The following NDST3 variants were observed in gnomAD, a reference collection of about 807,000 sequenced individuals.
The protein encoded by NDST3 is bifunctional heparan sulfate N-deacetylase/N-sulfotransferase 3.
A neutral mutation model predicts 96.1 loss-of-function variants in NDST3; 58 were observed. That is an observed-to-expected ratio of 0.60 (90% CI 0.49 to 0.75). The LOEUF is 0.75. NDST3 is among the 30% of genes least tolerant of loss of function. The probability of loss-of-function intolerance (pLI) is 0.00; values close to 1 mark genes in which losing one functional copy is unlikely to be tolerated. For synonymous variants in NDST3, 333 were observed against 359.7 expected (o/e 0.93, Z 0.84); for missense variants, 788 against 1,034.2 (o/e 0.76, Z 3.27).
rs541264345 is a variant in NDST3 at position 118,158,253 on chromosome 4, T to C, written c.1539+14569T>C. On this transcript the variant is annotated intron_variant, in intron 6 of 13. Coordinates refer to ENST00000296499, the MANE Select transcript of NDST3 (RefSeq NM_004784.3). ...TATTTCTCCCCAAAAGTAAGTGGGC[T>C]TTTTGGAGAAAAGGCTAAATTCAAG... 3.3e-5 allele frequency among the ~76,000 whole-genome samples: 5 copies of C among 152,336 alleles called. No homozygotes were observed. In the South Asian group the frequency reaches 8.3e-4, roughly 25 times the overall value.
Position 118,054,479 on chromosome 4 carries a change from T to A in NDST3, c.569T>A (p.Val190Glu). The A allele has an allele frequency of 6.2e-7, 1 of 1,613,122 alleles. No individual in the cohort carries two copies. The change falls in exon 2 of 14, where the codon GTA becomes GAA. Residue 190 changes from valine (V) to glutamate (E), a missense_variant. Transcript: ENST00000296499. ...TTTTCCATATATGGAAATCTTGCAG[T>A]AAAAGATTGTTGTATTAATCCTCAT... is the stretch of plus-strand genomic sequence containing the variant. ...FPFSIYGNLAVKDCCINPHSP... is the reference protein window; with the variant it reads ...FPFSIYGNLAEKDCCINPHSP...
intron 2 of NDST3, among the ~76,000 whole-genome samples, chr4:118,073,837 G>A (rs1485582269): frequency 1.3e-5 from 2 of 151,760 alleles, no homozygotes; most frequent in Non-Finnish European, 2.9e-5. Flanking sequence ...TAGGTGTGAT[G>A]TTACATTTAA....
chr4:118,188,104 T>C (rs889742665), intron 6 of NDST3, among the ~76,000 whole-genome samples: 14 of 151,920 alleles, frequency 9.2e-5, no homozygotes, highest in Admixed American at 7.9e-4. Flanking sequence ...AAAACATACA[T>C]TGAAAATGAA....
intron 6 of NDST3, among the ~76,000 whole-genome samples, chr4:118,207,495 C>A (rs1223059070): frequency 6.9e-6 from 1 of 145,020 alleles, no homozygotes; most frequent in Non-Finnish European, 1.5e-5. Flanking sequence ...GCCAAACAGG[C>A]ACCAAAATGC....
chr4:118,096,579 AAGAT>A (rs1016734673), intron 2 of NDST3, among the ~76,000 whole-genome samples: 1 of 151,860 alleles, frequency 6.6e-6, no homozygotes, highest in Non-Finnish European at 1.5e-5. Flanking sequence ...ATATATATAA[AAGAT>A]AGACGGATAG....
At chr4:118,082,443 T>C (rs1487518495) in intron 2 of NDST3, among the ~76,000 whole-genome samples, 1 of 152,196 alleles carries the variant, frequency 6.6e-6, no homozygotes, top group Non-Finnish European at 1.5e-5. Context: ...CAGGGTGATG[T>C]GAAGAGTGCC....
At chr4:118,231,429 C>A (rs963534224) in intron 8 of NDST3, among the ~76,000 whole-genome samples, 3 of 150,138 alleles carry the variant, frequency 2.0e-5, no homozygotes, top group African/African-American at 7.3e-5. Flanking sequence ...CATCTTAATA[C>A]TATTTATACT....
intron 5 of NDST3, among the ~76,000 whole-genome samples, chr4:118,140,591 G>T (rs1733495834): frequency 6.6e-6 from 1 of 152,154 alleles, no homozygotes; most frequent in Non-Finnish European, 1.5e-5. Flanking sequence ...ACCCAAGACT[G>T]GGTAATTTAT....
chr4:118,154,411 TG>T (rs1055186921), intron 6 of NDST3, among the ~76,000 whole-genome samples: 1 of 152,220 alleles, frequency 6.6e-6, no homozygotes, highest in Non-Finnish European at 1.5e-5. Context: ...TGTATTTTAA[TG>T]ATTGACTAAA....
chr4:118,124,821 AG>A (rs1261077793), intron 4 of NDST3, among the ~76,000 whole-genome samples: 1 of 152,114 alleles, frequency 6.6e-6, no homozygotes, highest in East Asian at 1.9e-4. Context: ...CAGTTTTACA[AG>A]ATCTCATTAT....
rs1730438119 is a variant in NDST3 at position 118,109,109 on chromosome 4, A to T, written c.1069+4004A>T. ...CTAGTGAAGTTAGACTCATAGCATA[A>T]CTAACTTTCACAATGGAGAGCTCCA... On this transcript the variant is annotated intron_variant, in intron 3 of 13. Coordinates refer to ENST00000296499, the MANE Select transcript of NDST3 (RefSeq NM_004784.3). 2.6e-5 allele frequency among the ~76,000 whole-genome samples: 4 copies of T among 152,232 alleles called. No homozygotes were observed. In the South Asian group the frequency reaches 8.3e-4, roughly 31 times the overall value.
intron 3 of NDST3, among the ~76,000 whole-genome samples, chr4:118,106,579 C>A (rs1730202663): frequency 2.0e-5 from 3 of 151,844 alleles, no homozygotes; most frequent in Admixed American, 6.6e-5. Flanking sequence ...TGTGATACAT[C>A]TGGAATTGAT....
chr4:118,224,276 C>G (rs1739729029), intron 6 of NDST3, among the ~76,000 whole-genome samples: 3 of 151,898 alleles, frequency 2.0e-5, no homozygotes, highest in African/African-American at 7.3e-5. Flanking sequence ...AAGAAAATTT[C>G]AGGGAAAAAA....
At chr4:118,106,882 A>C (rs1461457719) in intron 3 of NDST3, among the ~76,000 whole-genome samples, 1 of 152,152 alleles carries the variant, frequency 6.6e-6, no homozygotes, top group Non-Finnish European at 1.5e-5. Flanking sequence ...CGAGGTCAGG[A>C]GATCGAGATC....
intron 6 of NDST3, among the ~76,000 whole-genome samples, chr4:118,166,260 G>A (rs761254781): frequency 6.6e-6 from 1 of 151,746 alleles, no homozygotes; most frequent in South Asian, 2.1e-4. Context: ...GATCATAATA[G>A]TCTATAATGT....
At chr4:118,041,207 G>T (rs1009767085) in intron 1 of NDST3, among the ~76,000 whole-genome samples, 1 of 152,060 alleles carries the variant, frequency 6.6e-6, no homozygotes, top group Non-Finnish European at 1.5e-5. Flanking sequence ...CTTCCCAGGT[G>T]TATGGTATCT....
intron 4 of NDST3, among the ~76,000 whole-genome samples, chr4:118,133,937 A>T (rs1434865927): frequency 6.6e-6 from 1 of 152,226 alleles, no homozygotes; most frequent in African/African-American, 2.4e-5. Flanking sequence ...TGTTTAATGA[A>T]AAAGAGAGAT....
Position 118,228,833 on chromosome 4 carries a change from A to C in NDST3, c.1819+1851A>C, listed in dbSNP as rs78292179. Among the ~76,000 whole-genome samples the C allele has an allele frequency of 5.2e-3, 788 of 152,306 alleles. 6 individuals carry two copies. The highest frequency in any genetic ancestry group is 0.018 in the African/African-American group (752 of 41,556). ...TCTAGAACTTCACATAAATGGAAGC[A>C]TGTATTCCGTGTAGTCTTTTGTAAC... is the stretch of plus-strand genomic sequence containing the variant. On this transcript the variant is annotated intron_variant, in intron 8 of 13. Coordinates refer to ENST00000296499, the MANE Select transcript of NDST3 (RefSeq NM_004784.3).
intron 6 of NDST3, among the ~76,000 whole-genome samples, chr4:118,204,491 T>C (rs1738308329): frequency 1.4e-5 from 2 of 144,290 alleles, no homozygotes; most frequent in South Asian, 2.3e-4. Context: ...AACAGCCAGA[T>C]TGGTTACAGC....
Sources: gnomAD v4.1 joint callset for allele counts (sites outside exome capture counted in the v4.1 genomes callset) on GRCh38, gnomAD v4.1.1 for gene constraint, MANE v1.5 for transcripts, NCBI Gene and HGNC (gene_info 2026-07-23, HGNC 2026-07-21) for gene names.